Variants in SLC36A2 observed in about 807,000 individuals in gnomAD.
SLC36A2 encodes the protein solute carrier family 36 member 2, also known as proton-coupled amino acid transporter 2.
SLC36A2 carries 39 observed loss-of-function variants against 42.7 expected under a neutral mutation model. The observed-to-expected ratio is 0.91, with a 90% CI of 0.71 to 1.19. The LOEUF is 1.19. SLC36A2 is among the 50% of genes most tolerant of loss of function. The pLI, the probability that SLC36A2 is intolerant of heterozygous loss-of-function variation, is 0.00. For synonymous variants in SLC36A2, 237 were observed against 240.8 expected (o/e 0.98, Z 0.15); for missense variants, 590 against 613.7 (o/e 0.96, Z 0.41).
At chr5:151,321,014 G>A (rs1190533415) in intron 9 of SLC36A2, among the ~76,000 whole-genome samples, 1 of 151,998 alleles carries the variant, frequency 6.6e-6, no homozygotes, top group African/African-American at 2.4e-5. Flanking sequence ...CATAAAGTAG[G>A]GTTTATCATA....
At chr5:151,341,764 T>C (rs1341680495) in intron 4 of SLC36A2, among the ~76,000 whole-genome samples, 2 of 152,172 alleles carry the variant, frequency 1.3e-5, no homozygotes, top group Non-Finnish European at 2.9e-5. Context: ...CAGTTCTGGA[T>C]TGGTGCATGA....
intron 1 of SLC36A2, among the ~76,000 whole-genome samples, chr5:151,345,547 T>G (rs1427346269): frequency 6.6e-6 from 1 of 152,062 alleles, no homozygotes; most frequent in Non-Finnish European, 1.5e-5. Context: ...AAGAGAACAA[T>G]CGAGGGAGAA....
chr5:151,318,472 AAATAT>A (rs1755574671), intron 9 of SLC36A2, among the ~76,000 whole-genome samples: 1 of 138,346 alleles, frequency 7.2e-6, no homozygotes, highest in African/African-American at 2.5e-5. Flanking sequence ...TATATAAATA[AAATAT>A]ATTTTATATA....
At position 151,335,369 on chromosome 5, in the gene SLC36A2, A is replaced by T; in HGVS notation, c.704T>A (p.Met235Lys). 1 of 1,614,074 alleles carries T rather than the reference A, an allele frequency of 6.2e-7. No homozygotes were observed. The highest frequency in any genetic ancestry group is 8.5e-7 in the Non-Finnish European group (1 of 1,179,994). The change falls in exon 6 of 10, where the codon ATG becomes AAG. Residue 235 changes from methionine (M) to lysine (K), a missense_variant. Met to Lys is a moderately conservative substitution (Grantham distance 95). Coordinates refer to ENST00000335244, the MANE Select transcript of SLC36A2 (RefSeq NM_181776.3). ...TIFSMLANIS[M>K]LVSLVIIIQY... is the part of the protein sequence containing the mutation. ...TATGATGATGACCAAGCTGACCAGC[A>T]TGCTGATGTTGGCCAGCATGGAGAA...
chr5:151,322,807 C>T (rs1052769440), intron 8 of SLC36A2, among the ~76,000 whole-genome samples: 1 of 152,202 alleles, frequency 6.6e-6, no homozygotes, highest in African/African-American at 2.4e-5. Flanking sequence ...ACTTGCCAGC[C>T]TCAAGCTAGG....
chr5:151,329,527 A>G (rs1755939583), intron 7 of SLC36A2, among the ~76,000 whole-genome samples: 1 of 152,260 alleles, frequency 6.6e-6, no homozygotes, highest in Admixed American at 6.5e-5. Context: ...AGCAGGTAAT[A>G]TAACCGTACT....
At chr5:151,344,054 A>T in intron 2 of SLC36A2, 123 bp downstream of exon 2, 1 of 886,504 alleles carries the variant, frequency 1.1e-6, no homozygotes. Flanking sequence ...CTAGACCCTA[A>T]CCCCGCACCA....
intron 2 of SLC36A2, 109 bp downstream of exon 2, chr5:151,344,068 T>C: frequency 1.0e-6 from 1 of 989,708 alleles, no homozygotes; most frequent in Non-Finnish European, 1.6e-6. Context: ...CGCACCAAGC[T>C]GTGTCCCAGA....
At chr5:151,331,670 A>G (rs1257418601) in intron 7 of SLC36A2, among the ~76,000 whole-genome samples, 1 of 152,164 alleles carries the variant, frequency 6.6e-6, no homozygotes, top group African/African-American at 2.4e-5. Context: ...AAGCACAACC[A>G]GAAAGATAGA....
intron 5 of SLC36A2, among the ~76,000 whole-genome samples, chr5:151,336,082 T>C (rs1756148387): frequency 6.6e-6 from 1 of 152,198 alleles, no homozygotes; most frequent in Non-Finnish European, 1.5e-5. Context: ...GCAGTGGCTA[T>C]TTGTTAGCTT....
intron 4 of SLC36A2, among the ~76,000 whole-genome samples, chr5:151,342,087 A>G (rs931041809): frequency 6.6e-6 from 1 of 152,184 alleles, no homozygotes; most frequent in African/African-American, 2.4e-5. Context: ...TCTTTAAACA[A>G]TACAAATATG....
At chr5:151,334,768 A>G (rs772519948) in intron 6 of SLC36A2, among the ~76,000 whole-genome samples, 5 of 152,196 alleles carry the variant, frequency 3.3e-5, no homozygotes, top group African/African-American at 9.7e-5. Flanking sequence ...CAGAAAATCA[A>G]TGTCCATAAT....
intron 9 of SLC36A2, among the ~76,000 whole-genome samples, chr5:151,318,660 ATAAT>A (rs1363589765): frequency 6.0e-5 from 9 of 149,380 alleles, no homozygotes; most frequent in Admixed American, 1.3e-4. Flanking sequence ...ATTTTAATAA[ATAAT>A]TAACATGAGT....
chr5:151,333,225 A>G lies in SLC36A2; in HGVS notation c.842T>C (p.Val281Ala), dbSNP rs1484212608. Residue 281 changes from valine to alanine, a missense_variant and splice_region_variant, in exon 7 of 10, where the codon GTG becomes GCG. Val to Ala is a moderately conservative substitution (Grantham distance 64). Coordinates refer to ENST00000335244, the MANE Select transcript of SLC36A2 (RefSeq NM_181776.3). ...AGGCCACCTCAATTCAAACCTTACCACACCAATGCTTTCAAAAGAAAAAAT... is the reference window on the plus strand; with the variant it reads ...AGGCCACCTCAATTCAAACCTTACCGCACCAATGCTTTCAAAAGAAAAAAT... ...TAIFSFESIG[V>A]VLPLENKMKN... 1 of 1,613,688 alleles carries G rather than the reference A, an allele frequency of 6.2e-7. No homozygotes were observed. Among genetic ancestry groups the G allele is most frequent in the South Asian group, 1.1e-5 (1 of 91,072 alleles).
At chr5:151,345,518 A>G (rs1430920559) in intron 1 of SLC36A2, among the ~76,000 whole-genome samples, 4 of 152,198 alleles carry the variant, frequency 2.6e-5, no homozygotes, top group Non-Finnish European at 5.9e-5. Context: ...GTCTCTGTAC[A>G]TAGATTCATC....
At chr5:151,325,162 A>T in intron 8 of SLC36A2, 124 bp downstream of exon 8, 1 of 1,157,468 alleles carries the variant, frequency 8.6e-7, no homozygotes. Flanking sequence ...TCCAATGACA[A>T]TTCTGCTTCT....
At chr5:151,342,414 G>A (rs371321973) in intron 4 of SLC36A2, among the ~76,000 whole-genome samples, 20 of 152,138 alleles carry the variant, frequency 1.3e-4, no homozygotes, top group South Asian at 8.3e-4. Context: ...CATCTCACCC[G>A]TTCCATCCTA....
rs934985402 is a variant in SLC36A2 at position 151,330,767 on chromosome 5, C to T, written c.843+2457G>A. ...TACATAAGGCAATACAACATAAAGG[C>T]GGAAGGGCCCTATGTAATTGTAAAA... On this transcript the variant is annotated intron_variant, in intron 7 of 9. Transcript: ENST00000335244. 6.6e-5 allele frequency among the ~76,000 whole-genome samples: 10 copies of T among 152,146 alleles called. No individual in the cohort carries two copies. The South Asian group carries it at 1.0e-3, about 16-fold the overall frequency.
In SLC36A2 at chr5:151,315,836, C is replaced by A. The variant is rs993426307; in HGVS notation, c.*981G>T. ...CAAGAATTAAGAGGTAAAGTCTATT[C>A]AAATAATATTCATGTTCACTCCTCA... On this transcript the variant is annotated 3_prime_UTR_variant, in exon 10 of 10. Coordinates refer to ENST00000335244, the MANE Select transcript of SLC36A2 (RefSeq NM_181776.3). 1 of 152,174 alleles carries A rather than the reference C, an allele frequency of 6.6e-6. No individual in the cohort carries two copies. Among genetic ancestry groups the A allele is most frequent in the African/African-American group, 2.4e-5 (1 of 41,444 alleles). The allele number at this position is 152,174 out of a possible 1,614,324, so 9.4% of individuals were successfully genotyped here.
Sources: gnomAD v4.1 joint callset for allele counts (sites outside exome capture counted in the v4.1 genomes callset) on GRCh38, gnomAD v4.1.1 for gene constraint, MANE v1.5 for transcripts, NCBI Gene and HGNC (gene_info 2026-07-23, HGNC 2026-07-21) for gene names.